SUCLG2: variants seen among roughly 807,000 people sequenced by gnomAD.
SUCLG2 encodes the protein succinate-CoA ligase GDP-forming subunit beta, also known as succinate--CoA ligase [GDP-forming] subunit beta, mitochondrial.
In SUCLG2, 42 loss-of-function variants were observed where a neutral mutation model predicts 47.9. The observed-to-expected ratio is 0.88, with a 90% CI of 0.69 to 1.14. The LOEUF (loss-of-function observed/expected upper bound fraction) is 1.14, where lower values mean the gene tolerates loss of function less well. Among genes scored for constraint, SUCLG2 ranks in the 50% most tolerant of loss-of-function variants. The probability of loss-of-function intolerance (pLI) is 0.00; values close to 1 mark genes in which losing one functional copy is unlikely to be tolerated. For synonymous variants in SUCLG2, 195 were observed against 197.3 expected, an observed-to-expected ratio of 0.99 and a Z score of 0.10; for missense variants, 571 against 525.9, an observed-to-expected ratio of 1.09 and a Z score of -0.84.
At chr3:67,599,216 T>A (rs116775856) in intron 2 of SUCLG2, among the ~76,000 whole-genome samples, 1,761 of 152,246 alleles carry the variant, frequency 0.012, 39 homozygotes, top group African/African-American at 0.04. Context: ...GTGGAGCAAA[T>A]GCAAGATTTG....
chr3:67,421,494 A>G (rs1703157586), intron 9 of SUCLG2, among the ~76,000 whole-genome samples: 2 of 152,148 alleles, frequency 1.3e-5, no homozygotes, highest in Non-Finnish European at 2.9e-5. Context: ...ACATCTCTTC[A>G]TCTCTCAGGA....
intron 2 of SUCLG2, among the ~76,000 whole-genome samples, chr3:67,599,146 C>T (rs1708359670): frequency 6.6e-6 from 1 of 152,204 alleles, no homozygotes; most frequent in African/African-American, 2.4e-5. Flanking sequence ...GCCCATTTTA[C>T]AGATGAGGAA....
chr3:67,425,194 T>TTGGTA (rs1400949865), intron 9 of SUCLG2, among the ~76,000 whole-genome samples: 1 of 152,228 alleles, frequency 6.6e-6, no homozygotes, highest in African/African-American at 2.4e-5. Flanking sequence ...CTATTTTTAC[T>TTGGTA]TGGTATTGCC....
intron 10 of SUCLG2, among the ~76,000 whole-genome samples, chr3:67,398,990 G>C (rs915066524): frequency 7.7e-5 from 11 of 143,430 alleles, no homozygotes; most frequent in African/African-American, 2.6e-4. Flanking sequence ...ATGGACACAG[G>C]AAGGGGAACA....
chr3:67,626,339 G>A (rs1010168492), intron 1 of SUCLG2, among the ~76,000 whole-genome samples: 2 of 151,920 alleles, frequency 1.3e-5, no homozygotes, highest in Non-Finnish European at 2.9e-5. Context: ...GGAGCAGAGC[G>A]GGGGCTCGGG....
chr3:67,427,127 A>C (rs1241482192), intron 9 of SUCLG2, among the ~76,000 whole-genome samples: 1 of 152,212 alleles, frequency 6.6e-6, no homozygotes, highest in Non-Finnish European at 1.5e-5. Flanking sequence ...ATTATTAGTA[A>C]TGGTTCCAGT....
chr3:67,433,969 C>T (rs926521098), intron 9 of SUCLG2, among the ~76,000 whole-genome samples: 2 of 152,008 alleles, frequency 1.3e-5, no homozygotes, highest in African/African-American at 4.8e-5. Flanking sequence ...CCTACGAGAA[C>T]TCTGTCTAAT....
intron 2 of SUCLG2, among the ~76,000 whole-genome samples, chr3:67,589,118 A>T (rs57578558): frequency 6.6e-6 from 1 of 151,896 alleles, no homozygotes; most frequent in South Asian, 2.1e-4. Flanking sequence ...TGATCCACCC[A>T]CTTGGAATGC....
At chr3:67,629,359 A>C (rs531092491) in intron 1 of SUCLG2, among the ~76,000 whole-genome samples, 27 of 152,368 alleles carry the variant, frequency 1.8e-4, no homozygotes, top group African/African-American at 6.5e-4. Flanking sequence ...CTGCACACAC[A>C]GGGGTTCCCA....
chr3:67,592,815 C>G (rs1484119821), intron 2 of SUCLG2, among the ~76,000 whole-genome samples: 1 of 151,072 alleles, frequency 6.6e-6, no homozygotes, highest in Non-Finnish European at 1.5e-5. Context: ...GTTTCTACCA[C>G]ACCAGGTACA....
chr3:67,433,212 T>C (rs1703531644), intron 9 of SUCLG2, among the ~76,000 whole-genome samples: 1 of 152,130 alleles, frequency 6.6e-6, no homozygotes, highest in African/African-American at 2.4e-5. Flanking sequence ...TTTATAACCA[T>C]TTGAAAAACC....
Position 67,409,159 on chromosome 3 carries a change from G to C in SUCLG2, c.1063-8308C>G, listed in dbSNP as rs1419399510. On this transcript the variant is annotated intron_variant, in intron 9 of 10. Coordinates refer to ENST00000307227, the MANE Select transcript of SUCLG2 (RefSeq NM_003848.4). The stretch of plus-strand genomic sequence containing the variant: ...AGAGTTGTCCAGAGCTCATGGTTTT[G>C]GCATTTCCTAGTTAGATGGGGCTGG... The C allele has an allele frequency of 2.6e-6, 3 of 1,132,324 alleles. No homozygotes were observed. The Admixed American group carries it at 8.1e-5, about 30-fold the overall frequency. The allele number at this position is 1,132,324 out of a possible 1,614,324, so 70.1% of individuals were successfully genotyped here. A position where few individuals can be genotyped will look rare whatever the true frequency, so the allele number is the denominator to read the frequency against.
At chr3:67,438,557 CATCA>C (rs1703681513) in intron 9 of SUCLG2, among the ~76,000 whole-genome samples, 1 of 152,034 alleles carries the variant, frequency 6.6e-6, no homozygotes, top group Non-Finnish European at 1.5e-5. Flanking sequence ...AAAGGGAGAT[CATCA>C]CTGATCCCAC....
rs566265455 is a variant in SUCLG2, at chr3:67,507,204, TA to T, written c.757+1602del. Among the ~76,000 whole-genome samples the T allele has an allele frequency of 5.7e-3, 865 of 152,088 alleles. 8 individuals carry two copies. The highest frequency in any genetic ancestry group is 0.019 in the African/African-American group (775 of 41,480). On this transcript the variant is annotated intron_variant, in intron 7 of 10. Coordinates refer to ENST00000307227, the MANE Select transcript of SUCLG2 (RefSeq NM_003848.4). ...CACAATTTGATAGCCATAGCAACTT[TA>T]AAAAAAATATTTATGAATAAAGGTA...
intron 2 of SUCLG2, among the ~76,000 whole-genome samples, chr3:67,574,707 A>C (rs1285887205): frequency 6.6e-6 from 1 of 152,244 alleles, no homozygotes; most frequent in Non-Finnish European, 1.5e-5. Context: ...AAAAATTAGT[A>C]AGTTGGACTT....
chr3:67,435,671 G>T (rs546537524), intron 9 of SUCLG2, among the ~76,000 whole-genome samples: 2 of 152,276 alleles, frequency 1.3e-5, no homozygotes, highest in African/African-American at 2.4e-5. Flanking sequence ...GCTAGTGAAA[G>T]TAAAGAAAAT....
chr3:67,517,090 C>T (rs574919473), intron 6 of SUCLG2, among the ~76,000 whole-genome samples: 31 of 152,276 alleles, frequency 2.0e-4, no homozygotes, highest in African/African-American at 6.7e-4. Context: ...CGAATCCTGG[C>T]CCTTTCTCTC....
intron 9 of SUCLG2, among the ~76,000 whole-genome samples, chr3:67,402,359 A>C (rs920372316): frequency 3.3e-5 from 5 of 152,222 alleles, no homozygotes; most frequent in Non-Finnish European, 7.3e-5. Flanking sequence ...TTGAATTCAA[A>C]TATAATGGAA....
chr3:67,396,269 T>C (rs1389684552), intron 10 of SUCLG2, among the ~76,000 whole-genome samples: 3 of 151,932 alleles, frequency 2.0e-5, no homozygotes, highest in Non-Finnish European at 4.4e-5. Flanking sequence ...ATTGATAGAC[T>C]GCTAGCAAGA....
Sources: allele counts gnomAD v4.1 joint callset (sites outside exome capture counted in the v4.1 genomes callset), GRCh38; gene constraint gnomAD v4.1.1; transcripts MANE v1.5; gene names NCBI Gene and HGNC (gene_info 2026-07-23, HGNC 2026-07-21).